Variants in PDSS2 observed in about 807,000 individuals in gnomAD.
The protein encoded by PDSS2 is all trans-polyprenyl-diphosphate synthase PDSS2.
Under a neutral mutation model 44.5 loss-of-function variants are expected in PDSS2, and 31 were observed. The observed-to-expected ratio is 0.70, with a 90% CI of 0.52 to 0.94. The LOEUF is 0.94. PDSS2 is among the 40% of genes least tolerant of loss of function. The pLI is 0.00. For synonymous variants in PDSS2, 157 were observed against 180.3 expected (o/e 0.87, Z 1.03); for missense variants, 452 against 482.2 (o/e 0.94, Z 0.59).
intron 4 of PDSS2, among the ~76,000 whole-genome samples, chr6:107,234,488 A>T (rs1344602943): frequency 6.6e-6 from 1 of 151,318 alleles, no homozygotes; most frequent in African/African-American, 2.4e-5. Flanking sequence ...TACAGGTGTA[A>T]GCCACCACGC....
chr6:107,344,188 T>C (rs1778167138), intron 1 of PDSS2, among the ~76,000 whole-genome samples: 2 of 152,202 alleles, frequency 1.3e-5, no homozygotes, highest in South Asian at 4.1e-4. Context: ...AATGAAATGA[T>C]GTTAAAAACA....
intron 1 of PDSS2, among the ~76,000 whole-genome samples, chr6:107,404,450 G>A (rs528601255): frequency 6.6e-5 from 10 of 152,116 alleles, no homozygotes; most frequent in African/African-American, 9.6e-5. Context: ...GTATTAGTCC[G>A]TTCTCCCACT....
intron 2 of PDSS2, among the ~76,000 whole-genome samples, chr6:107,286,933 G>A (rs1336733619): frequency 6.6e-6 from 1 of 152,094 alleles, no homozygotes; most frequent in Non-Finnish European, 1.5e-5. Flanking sequence ...CCAGCTACCC[G>A]GGAGGCTGAG....
intron 2 of PDSS2, among the ~76,000 whole-genome samples, chr6:107,282,601 C>T (rs1463563849): frequency 6.6e-6 from 1 of 151,478 alleles, no homozygotes; most frequent in Non-Finnish European, 1.5e-5. Flanking sequence ...CTCCGTGGTT[C>T]ATGCCTGTAA....
chr6:107,393,040 CT>C (rs1779831184), intron 1 of PDSS2, among the ~76,000 whole-genome samples: 1 of 151,956 alleles, frequency 6.6e-6, no homozygotes, highest in African/African-American at 2.4e-5. Flanking sequence ...TATATTTTGT[CT>C]TTTATTTCAC....
At chr6:107,240,398 CTTT>C (rs751073523) in intron 4 of PDSS2, among the ~76,000 whole-genome samples, 11 of 130,990 alleles carry the variant, frequency 8.4e-5, no homozygotes, top group African/African-American at 8.4e-5. Context: ...GAGACCCTAC[CTTT>C]TTTTTTTTTT....
chr6:107,424,187 G>A lies in PDSS2; in HGVS notation c.296+34803C>T, dbSNP rs1008755073. Among the ~76,000 whole-genome samples, 31 of 151,582 alleles carry A rather than the reference G, an allele frequency of 2.0e-4. 1 individual carries two copies. The highest frequency in any genetic ancestry group is 6.3e-4 in the African/African-American group (26 of 41,240). ...ATCTCAAGTAACTGGGACCATAGGC[G>A]AGCATTACCACATCCGGCTAATTTC... On this transcript the variant is annotated intron_variant, in intron 1 of 7. Transcript: ENST00000369037.
intron 7 of PDSS2, 56 bp downstream of exon 7, chr6:107,193,766 G>T: frequency 9.5e-7 from 1 of 1,052,728 alleles, no homozygotes; most frequent in Non-Finnish European, 1.5e-6. Flanking sequence ...ATAAACGAAA[G>T]CCAAACACCA....
At chr6:107,362,655 C>G (rs115538394) in intron 1 of PDSS2, among the ~76,000 whole-genome samples, 2 of 152,148 alleles carry the variant, frequency 1.3e-5, no homozygotes, top group African/African-American at 4.8e-5. Flanking sequence ...TGCAAGAAAC[C>G]AGAACATATG....
chr6:107,266,556 G>A (rs1405881154), intron 3 of PDSS2, among the ~76,000 whole-genome samples: 1 of 151,968 alleles, frequency 6.6e-6, no homozygotes, highest in Non-Finnish European at 1.5e-5. Context: ...GCCTAAAAAG[G>A]AAAAAATTCC....
intron 1 of PDSS2, among the ~76,000 whole-genome samples, chr6:107,393,521 T>C (rs1189424750): frequency 6.6e-6 from 1 of 152,168 alleles, no homozygotes; most frequent in Non-Finnish European, 1.5e-5. Context: ...TAGGTCAAGT[T>C]GGTTCATAGT....
intron 2 of PDSS2, among the ~76,000 whole-genome samples, chr6:107,325,903 G>A: frequency 6.6e-6 from 1 of 152,086 alleles, no homozygotes; most frequent in East Asian, 1.9e-4. Context: ...TTGTGCAAAT[G>A]TGTTAATCTT....
At chr6:107,362,821 AAGAT>A (rs1386075144) in intron 1 of PDSS2, among the ~76,000 whole-genome samples, 12 of 152,244 alleles carry the variant, frequency 7.9e-5, no homozygotes, top group African/African-American at 2.7e-4. Context: ...TCTCAGTAAA[AAGAT>A]AGAAAATATT....
chr6:107,161,579 G>A (rs1305896799), intron 7 of PDSS2, among the ~76,000 whole-genome samples: 3 of 151,930 alleles, frequency 2.0e-5, no homozygotes, highest in African/African-American at 7.3e-5. Flanking sequence ...CATGGCCCTA[G>A]GCTAAATTTG....
At chr6:107,378,093 T>TA (rs1321674584) in intron 1 of PDSS2, among the ~76,000 whole-genome samples, 7 of 146,438 alleles carry the variant, frequency 4.8e-5, no homozygotes, top group African/African-American at 1.0e-4. Context: ...ATTAGGCCCT[T>TA]AAAAAAAACG....
intron 1 of PDSS2, among the ~76,000 whole-genome samples, chr6:107,414,781 G>A (rs954053009): frequency 2.6e-5 from 4 of 152,194 alleles, no homozygotes; most frequent in African/African-American, 9.7e-5. Context: ...ATAACACATA[G>A]CATTTAGCCA....
intron 4 of PDSS2, among the ~76,000 whole-genome samples, chr6:107,223,615 G>A (rs1466648544): frequency 6.6e-6 from 1 of 151,352 alleles, no homozygotes; most frequent in East Asian, 1.9e-4. Context: ...ATGGGAGGCT[G>A]AGGTGGGGAG....
chr6:107,335,758 A>C (rs1247986913), intron 1 of PDSS2, among the ~76,000 whole-genome samples: 1 of 152,164 alleles, frequency 6.6e-6, no homozygotes, highest in Non-Finnish European at 1.5e-5. Flanking sequence ...GTAAAGTCAT[A>C]TTGAGAACAA....
intron 1 of PDSS2, among the ~76,000 whole-genome samples, chr6:107,417,491 A>G (rs1780697708): frequency 6.6e-6 from 1 of 152,216 alleles, no homozygotes; most frequent in South Asian, 2.1e-4. Context: ...AGGTACAGTG[A>G]CTCACGCCTG....
Sources: allele counts gnomAD v4.1 joint callset (sites outside exome capture counted in the v4.1 genomes callset), GRCh38; gene constraint gnomAD v4.1.1; transcripts MANE v1.5; gene names NCBI Gene and HGNC (gene_info 2026-07-23, HGNC 2026-07-21).